GRIP1: variants seen among roughly 807,000 people sequenced by gnomAD.
GRIP1 encodes glutamate receptor interacting protein 1.
In GRIP1, 45 loss-of-function variants were observed where a neutral mutation model predicts 129.9. The ratio of observed to expected loss-of-function variants is 0.35; its 90% CI spans 0.27 to 0.44. The LOEUF (loss-of-function observed/expected upper bound fraction) is 0.44. GRIP1 is among the 20% of genes least tolerant of loss of function. The pLI is 1.00. For missense variants in GRIP1, 1,196 were observed against 1,396.8 expected, an observed-to-expected ratio of 0.86 and a Z score of 2.29; for synonymous variants, 530 against 520.8, an observed-to-expected ratio of 1.02 and a Z score of -0.24.
At chr12:66,397,323 C>T (rs1391868999) in intron 16 of GRIP1, among the ~76,000 whole-genome samples, 2 of 151,534 alleles carry the variant, frequency 1.3e-5, no homozygotes, top group Non-Finnish European at 2.9e-5. Flanking sequence ...ATCACACTGG[C>T]CAACATGTCC....
At chr12:66,684,656 C>T (rs1419037823) in intron 1 of GRIP1, among the ~76,000 whole-genome samples, 1 of 152,092 alleles carries the variant, frequency 6.6e-6, no homozygotes. Flanking sequence ...ACCAGTCTGG[C>T]CAACATGGTG....
intron 17 of GRIP1, 49 bp downstream of exon 17, chr12:66,394,159 G>A: frequency 6.4e-7 from 1 of 1,560,684 alleles, no homozygotes; most frequent in Non-Finnish European, 8.8e-7. Context: ...TGTGAGGAAG[G>A]AAGCCCGTCT....
At chr12:66,848,941 T>C (rs1024555656) in intron 1 of GRIP1, among the ~76,000 whole-genome samples, 1 of 152,124 alleles carries the variant, frequency 6.6e-6, no homozygotes, top group South Asian at 2.1e-4. Flanking sequence ...GGGATTCTGA[T>C]TGCAAGTCTC....
chr12:66,503,194 C>T (rs1033485051), intron 7 of GRIP1, among the ~76,000 whole-genome samples: 4 of 152,246 alleles, frequency 2.6e-5, no homozygotes, highest in African/African-American at 9.6e-5. Context: ...TGGTAATTGG[C>T]TTTCAACAGG....
At chr12:66,901,566 TC>T (rs1176236595) in intron 1 of GRIP1, among the ~76,000 whole-genome samples, 1 of 152,248 alleles carries the variant, frequency 6.6e-6, no homozygotes, top group Non-Finnish European at 1.5e-5. Flanking sequence ...CATTAAGAGA[TC>T]ATTTTTATGA....
intron 1 of GRIP1, among the ~76,000 whole-genome samples, chr12:66,764,452 G>A (rs2037566726): frequency 6.6e-6 from 1 of 152,112 alleles, no homozygotes; most frequent in Admixed American, 6.5e-5. Context: ...CATTACTGAG[G>A]AAAAGTTATT....
At chr12:66,430,298 G>A (rs2137943505) in intron 14 of GRIP1, among the ~76,000 whole-genome samples, 1 of 152,308 alleles carries the variant, frequency 6.6e-6, no homozygotes, top group South Asian at 2.1e-4. Flanking sequence ...GCGTGGTGGT[G>A]ACGACTAGTT....
At chr12:66,636,721 G>C (rs1380460094) in intron 1 of GRIP1, among the ~76,000 whole-genome samples, 81 of 88,902 alleles carry the variant, frequency 9.1e-4, no homozygotes, top group Admixed American at 2.7e-3. Context: ...ATCTCTGTGT[G>C]TGTGTGTGTG....
At chr12:66,870,761 C>T (rs1192828074) in intron 1 of GRIP1, among the ~76,000 whole-genome samples, 1 of 152,062 alleles carries the variant, frequency 6.6e-6, no homozygotes, top group Non-Finnish European at 1.5e-5. Context: ...AGGATGTAAA[C>T]TGTTTGTCAA....
chr12:66,950,090 A>G (rs1178220869), intron 1 of GRIP1, among the ~76,000 whole-genome samples: 2 of 151,928 alleles, frequency 1.3e-5, no homozygotes, highest in East Asian at 1.9e-4. Flanking sequence ...CTTCCTTTCA[A>G]TGTTCCCACT....
chr12:66,736,346 ATTTTTTTTTTTT>A (rs547706592), intron 1 of GRIP1, among the ~76,000 whole-genome samples: 17 of 67,018 alleles, frequency 2.5e-4, no homozygotes, highest in Non-Finnish European at 3.3e-4. Flanking sequence ...TGCCTGGCTA[ATTTTTTTTTTTT>A]TTTTTTTTTT....
At chr12:66,553,792 T>G (rs1343998605) in intron 2 of GRIP1, among the ~76,000 whole-genome samples, 1 of 151,938 alleles carries the variant, frequency 6.6e-6, no homozygotes, top group Non-Finnish European at 1.5e-5. Flanking sequence ...TGGAACTTGG[T>G]GCTTTCCTAT....
At chr12:66,803,833 C>T (rs139311982) in intron 1 of GRIP1, 38 of 158,470 alleles carry the variant, frequency 2.4e-4, no homozygotes, top group African/African-American at 7.2e-4. Flanking sequence ...AAAATATTAA[C>T]GATGTGTACA....
chr12:66,580,029 G>A (rs1176769132), intron 2 of GRIP1, among the ~76,000 whole-genome samples: 1 of 148,870 alleles, frequency 6.7e-6, no homozygotes, highest in Non-Finnish European at 1.5e-5. Flanking sequence ...TACCCACAAA[G>A]GGAAGCCCAT....
intron 1 of GRIP1, among the ~76,000 whole-genome samples, chr12:66,838,994 C>G (rs921198782): frequency 6.6e-6 from 1 of 152,154 alleles, no homozygotes; most frequent in Non-Finnish European, 1.5e-5. Flanking sequence ...ATCTCTACCA[C>G]AGACTTGAAT....
intron 1 of GRIP1, among the ~76,000 whole-genome samples, chr12:66,792,869 G>T (rs935506518): frequency 1.1e-4 from 16 of 152,024 alleles, no homozygotes; most frequent in Non-Finnish European, 2.4e-4. Flanking sequence ...AGAGTTCCCT[G>T]ACCACTGTTG....
chr12:66,656,722 A>G (rs971340342), intron 1 of GRIP1, among the ~76,000 whole-genome samples: 1 of 152,212 alleles, frequency 6.6e-6, no homozygotes, highest in African/African-American at 2.4e-5. Context: ...CAGTGTATCT[A>G]GGTCATGGGG....
intron 2 of GRIP1, among the ~76,000 whole-genome samples, chr12:66,542,458 T>C (rs1204849954): frequency 6.6e-5 from 10 of 152,218 alleles, no homozygotes; most frequent in Admixed American, 6.5e-4. Flanking sequence ...TTACTTTCTT[T>C]GTCTTTCAAA....
intron 7 of GRIP1, among the ~76,000 whole-genome samples, chr12:66,513,408 C>T (rs78426421): frequency 0.012 from 1,833 of 152,132 alleles, 42 homozygotes; most frequent in East Asian, 0.1. Context: ...TTTGTTGATA[C>T]ATTTGGGAGA....
Sources: gnomAD v4.1 joint callset for allele counts (sites outside exome capture counted in the v4.1 genomes callset) on GRCh38, gnomAD v4.1.1 for gene constraint, MANE v1.5 for transcripts, NCBI Gene and HGNC (gene_info 2026-07-23, HGNC 2026-07-21) for gene names.